ZNF577: variants seen among roughly 807,000 people sequenced by gnomAD.
ZNF577 encodes zinc finger protein 577.
A neutral mutation model predicts 13.9 loss-of-function variants in ZNF577; 14 were observed. The observed-to-expected ratio is 1.00, with a 90% CI of 0.66 to 1.57. The LOEUF (loss-of-function observed/expected upper bound fraction) is 1.57. Ranked by LOEUF, ZNF577 falls within the 40% of genes most tolerant of loss-of-function variation. The probability of loss-of-function intolerance (pLI) is 0.00; values close to 1 mark genes in which losing one functional copy is unlikely to be tolerated. For synonymous variants in ZNF577, 203 were observed against 202.9 expected (o/e 1.00, Z 0.00); for missense variants, 555 against 579.2 (o/e 0.96, Z 0.43).
At chr19:51,812,157 T>G (rs2084101798) in intron 9 of ZNF577, among the ~76,000 whole-genome samples, 1 of 152,186 alleles carries the variant, frequency 6.6e-6, no homozygotes, top group Admixed American at 6.5e-5. Context: ...AAAATTAAAG[T>G]AAATTGTTTG....
chr19:51,822,197 C>A (rs2084194934), intron 9 of ZNF577, among the ~76,000 whole-genome samples: 1 of 152,112 alleles, frequency 6.6e-6, no homozygotes, highest in African/African-American at 2.4e-5. Flanking sequence ...TTCTTAAAAG[C>A]AAGGAAATAG....
At chr19:51,866,047 A>G (rs576016463), downstream of ZNF577, among the ~76,000 whole-genome samples, 1 of 152,112 alleles carries the variant, frequency 6.6e-6, no homozygotes, top group Admixed American at 6.5e-5. Context: ...CTCGGGAGGC[A>G]GAGATTGCAG....
At chr19:51,846,218 T>C (rs1407774832) in intron 5 of ZNF577, among the ~76,000 whole-genome samples, 1 of 152,174 alleles carries the variant, frequency 6.6e-6, no homozygotes, top group Non-Finnish European at 1.5e-5. Flanking sequence ...AACAAATAAA[T>C]TTTTATTTGA....
intron 8 of ZNF577, chr19:51,840,620 A>T (rs1388510820): frequency 3.9e-5 from 6 of 152,188 alleles, no homozygotes; most frequent in Non-Finnish European, 5.9e-5. Context: ...TATTAGTTGT[A>T]CTTCAGAAAG....
chr19:51,813,495 A>G (rs2084112702), intron 9 of ZNF577, among the ~76,000 whole-genome samples: 1 of 152,090 alleles, frequency 6.6e-6, no homozygotes, highest in African/African-American at 2.4e-5. Flanking sequence ...ACAGGTCCTG[A>G]AGAGACTCTG....
chr19:51,809,940 AG>A (rs1473166765), intron 10 of ZNF577, among the ~76,000 whole-genome samples: 2 of 152,034 alleles, frequency 1.3e-5, no homozygotes, highest in Non-Finnish European at 2.9e-5. Flanking sequence ...ATTTCCCAGC[AG>A]GGGGGTGCCA....
chr19:51,873,851 T>C, intron 5 of ZNF577, 145 bp from the exon 6 acceptor site: 1 of 698,284 alleles, frequency 1.4e-6, no homozygotes, highest in South Asian at 2.1e-5. Context: ...TCATTTTGGT[T>C]TTCTGGGTAC....
In ZNF577 at chr19:51,867,684, C is replaced by T. The variant is rs2084587089; in HGVS notation, c.*4848G>A. 2.0e-5 allele frequency among the ~76,000 whole-genome samples: 3 copies of T among 151,824 alleles called. No homozygotes were observed. The highest frequency in any genetic ancestry group is 7.3e-5 in the African/African-American group (3 of 41,316). On this transcript the variant is annotated 3_prime_UTR_variant, in exon 6 of 6. Transcript: ENST00000638348. ...CCTGTAATCCCAGCTACTCAGGAAG[C>T]TGAGGCAGGACAATCACTTGAAACC...
chr19:51,823,570 C>T (rs758160000), intron 9 of ZNF577, among the ~76,000 whole-genome samples: 17 of 152,086 alleles, frequency 1.1e-4, no homozygotes, highest in Admixed American at 8.5e-4. Flanking sequence ...AGAGAACTAT[C>T]GTTTCCCAAA....
chr19:51,831,942 T>C (rs4801897), intron 9 of ZNF577, among the ~76,000 whole-genome samples: 64,323 of 151,978 alleles, frequency 0.42, 13,772 homozygotes, highest in South Asian at 0.58. Flanking sequence ...CTAATCTCAG[T>C]TTAAACATAA....
chr19:51,813,195 G>C (rs573340638), intron 9 of ZNF577, among the ~76,000 whole-genome samples: 1 of 151,546 alleles, frequency 6.6e-6, no homozygotes, highest in South Asian at 2.1e-4. Flanking sequence ...TCTGGGGGCT[G>C]TAAAGTCCAA....
chr19:51,855,192 T>A (rs776902876), intron 5 of ZNF577, among the ~76,000 whole-genome samples: 10 of 152,176 alleles, frequency 6.6e-5, no homozygotes, highest in Non-Finnish European at 1.3e-4. Context: ...AGATTCCCTC[T>A]CTCCCCAGGG....
At position 51,878,526 on chromosome 19, in the gene ZNF577, A is replaced by G. The variant is rs773857752; in HGVS notation, c.61-11T>C. ...GAATGACAATGACCCCTATAATAAC[A>G]ATTCCAATGCAATCTGAGGTGGATA... On this transcript the variant is annotated splice_polypyrimidine_tract_variant and intron_variant, in intron 3 of 5. Coordinates refer to ENST00000638348, the MANE Select transcript of ZNF577 (RefSeq NM_001370449.1). 1 of 1,613,680 alleles carries G rather than the reference A, an allele frequency of 6.2e-7. No homozygotes were observed. The highest frequency in any genetic ancestry group is 1.1e-5 in the South Asian group (1 of 91,066).
At position 51,873,395 on chromosome 19, in the gene ZNF577, T is replaced by C; in HGVS notation, c.595A>G (p.Ile199Val). 1.2e-6 allele frequency: 2 copies of C among 1,614,206 alleles called. No individual in the cohort carries two copies. Among genetic ancestry groups the C allele is most frequent in the Non-Finnish European group, 1.7e-6 (2 of 1,180,038 alleles). Residue 199 changes from isoleucine to valine, a missense_variant, in exon 6 of 6, where the codon ATT becomes GTT. Coordinates refer to ENST00000638348, the MANE Select transcript of ZNF577 (RefSeq NM_001370449.1). ...GTTCTCTGATGCTCAGTGAGCTGAA[T>C]CTTCCTCATGAATGTTTTCCCACAT... ...GECGKTFMRKIQLTEHQRTHT... is the reference protein window; with the variant it reads ...GECGKTFMRKVQLTEHQRTHT...
At chr19:51,844,083 G>T (rs1210594053) in intron 6 of ZNF577, among the ~76,000 whole-genome samples, 3 of 138,284 alleles carry the variant, frequency 2.2e-5, no homozygotes, top group African/African-American at 5.3e-5. Flanking sequence ...ACATAAGTAA[G>T]TTACGGTCAG....
At chr19:51,849,323 A>C (rs1240362459) in intron 5 of ZNF577, among the ~76,000 whole-genome samples, 1 of 152,178 alleles carries the variant, frequency 6.6e-6, no homozygotes, top group East Asian at 1.9e-4. Context: ...TTCAGAATAC[A>C]TTTGCTATGT....
At chr19:51,878,284 T>C in intron 4 of ZNF577, 105 bp downstream of exon 4, 1 of 1,261,840 alleles carries the variant, frequency 7.9e-7, no homozygotes, top group Non-Finnish European at 1.1e-6. Flanking sequence ...CAACAAAAAA[T>C]CTATAACATA....
chr19:51,838,882 G>C (rs993285702), intron 9 of ZNF577, among the ~76,000 whole-genome samples: 1 of 151,734 alleles, frequency 6.6e-6, no homozygotes, highest in Admixed American at 6.6e-5. Context: ...AAAATCCTCA[G>C]AAGTTTTCAA....
At chr19:51,805,519 T>C (rs1234258427) in intron 10 of ZNF577, among the ~76,000 whole-genome samples, 1 of 152,232 alleles carries the variant, frequency 6.6e-6, no homozygotes. Context: ...TACTCACTTT[T>C]GTTATATTCT....
Sources: gnomAD v4.1 joint callset for allele counts (sites outside exome capture counted in the v4.1 genomes callset) on GRCh38, gnomAD v4.1.1 for gene constraint, MANE v1.5 for transcripts, NCBI Gene and HGNC (gene_info 2026-07-23, HGNC 2026-07-21) for gene names.